DMRTB1: variants seen among roughly 807,000 people sequenced by gnomAD.
DMRTB1 encodes the protein DMRT like family B with proline rich C-terminal 1, also known as doublesex- and mab-3-related transcription factor B1.
In DMRTB1, 9 loss-of-function variants were observed where a neutral mutation model predicts 25.2. The observed-to-expected ratio is 0.36, with a 90% confidence interval of 0.22 to 0.62. The LOEUF is 0.62. Ranked by LOEUF, DMRTB1 falls within the 20% of genes least tolerant of loss-of-function variation. The probability of loss-of-function intolerance (pLI) is 0.71; values close to 1 mark genes in which losing one functional copy is unlikely to be tolerated. For synonymous variants in DMRTB1, 269 were observed against 238.1 expected, an observed-to-expected ratio of 1.13 and a Z score of -1.20; for missense variants, 551 against 499.3, an observed-to-expected ratio of 1.10 and a Z score of -0.99.
chr1:53,461,768 A>G, intron 2 of DMRTB1, 123 bp downstream of exon 2: 2 of 1,221,210 alleles, frequency 1.6e-6, no homozygotes, highest in African/African-American at 1.5e-5. Context: ...CCAGCCCCCG[A>G]GTGCTGGTGG....
In DMRTB1 at chr1:53,459,570, G is replaced by A. The variant is rs1212863413; in HGVS notation, c.117G>A (p.Lys39=). Reference sequence around the variant, plus strand: ...GCTGGAAGCAGTGCCTCTGCGAGAAGTGCTACCTGATCTCCGAGCGCCAGA... The same window carrying A: ...GCTGGAAGCAGTGCCTCTGCGAGAAATGCTACCTGATCTCCGAGCGCCAGA... ...KCRWKQCLCE[K]CYLISERQKI... The change falls in exon 1 of 4, where the codon AAG becomes AAA. Residue 39 remains lysine, a synonymous_variant. Coordinates refer to ENST00000371445, the MANE Select transcript of DMRTB1 (RefSeq NM_033067.3). 1.9e-6 allele frequency: 3 copies of A among 1,609,306 alleles called. No individual in the cohort carries two copies. Among genetic ancestry groups the A allele is most frequent in the East Asian group, 2.2e-5 (1 of 44,756 alleles).
chr1:53,459,647 A>C lies in DMRTB1; in HGVS notation c.194A>C (p.Gln65Pro). 1 of 1,553,722 alleles carries C rather than the reference A, an allele frequency of 6.4e-7. No homozygotes were observed. ...VLKTQAAEEE[Q>P]EAALCAQGPK... ...AAGACGCAGGCCGCCGAGGAGGAGC[A>C]GGAGGCGGCCCTGTGTGCGCAGGGG... Residue 65 changes from glutamine to proline, a missense_variant, in exon 1 of 4, where the codon CAG becomes CCG. Physicochemically the swap from Gln to Pro is moderately conservative, Grantham distance 76 (BLOSUM62 -1). Coordinates refer to ENST00000371445, the MANE Select transcript of DMRTB1 (RefSeq NM_033067.3).
chr1:53,461,402 C>T (rs573944779), intron 1 of DMRTB1, 71 bp from the exon 2 acceptor site: 11 of 1,459,756 alleles, frequency 7.5e-6, no homozygotes, highest in East Asian at 5.1e-5. Flanking sequence ...ATGACCCCGC[C>T]GCCCTGGGCC....
In DMRTB1 at chr1:53,464,816, C is replaced by T. The variant is rs542149843; in HGVS notation, c.930C>T (p.Thr310=). The T allele has an allele frequency of 5.1e-5, 82 of 1,613,994 alleles. 1 individual carries two copies. The South Asian group carries it at 6.6e-4, about 13-fold the overall frequency. The change falls in exon 3 of 4, where the codon ACC becomes ACT. Residue 310 remains threonine (T), a synonymous_variant. Transcript: ENST00000371445. ...PPPPPSSFSL[T]VLFDTDKENT... ...CACCTCCATCATCTTTCTCACTGACCGTCCTGTTTGATACTGACAAGGAGA... is the reference window on the plus strand; with the variant it reads ...CACCTCCATCATCTTTCTCACTGACTGTCCTGTTTGATACTGACAAGGAGA...
intron 2 of DMRTB1, among the ~76,000 whole-genome samples, chr1:53,464,014 G>A (rs1019310033): frequency 1.3e-5 from 2 of 152,200 alleles, no homozygotes; most frequent in African/African-American, 4.8e-5. Flanking sequence ...GAGGCCACTT[G>A]CCTGAAGTCA....
At chr1:53,463,791 G>A (rs532158448) in intron 2 of DMRTB1, among the ~76,000 whole-genome samples, 1 of 152,340 alleles carries the variant, frequency 6.6e-6, no homozygotes, top group African/African-American at 2.4e-5. Context: ...AGCTCAGGAT[G>A]TGTTGCTCTG....
chr1:53,461,471 AGTGCGC>A lies in DMRTB1; in HGVS notation c.578-1_582del. 6.3e-7 allele frequency: 1 copy of A among 1,578,170 alleles called. No individual in the cohort carries two copies. The highest frequency in any genetic ancestry group is 8.6e-7 in the Non-Finnish European group (1 of 1,160,862). On this transcript the variant is annotated splice_acceptor_variant and coding_sequence_variant, in exon 2 of 4. Coordinates refer to ENST00000371445, the MANE Select transcript of DMRTB1 (RefSeq NM_033067.3). LOFTEE classifies it high-confidence loss of function. ...ACTTCCCTCCTTGCTTGCGTTCTTT[AGTGCGC>A]CCTCTGAACATCAACCCGGACCGTG... is the stretch of plus-strand genomic sequence containing the variant.
At position 53,459,925 on chromosome 1, in the gene DMRTB1, G is replaced by A. The variant is rs949268865; in HGVS notation, c.472G>A (p.Ala158Thr). The change falls in exon 1 of 4, where the codon GCG becomes ACG. Residue 158 changes from alanine to threonine, a missense_variant. By Grantham distance (58) the Ala-to-Thr change is moderately conservative. Transcript: ENST00000371445. ...AGCCGCCGTGGCGATGCCCAGCCTT[G>A]CGGGACCCCCTTTTGGGGCGGAGGC... ...ERAAVAMPSL[A>T]GPPFGAEAAG... is the part of the protein sequence containing the mutation. The A allele has an allele frequency of 1.3e-6, 2 of 1,559,656 alleles. No individual in the cohort carries two copies. Among genetic ancestry groups the A allele is most frequent in the East Asian group, 2.4e-5 (1 of 41,410 alleles).
chr1:53,462,758 ACT>A (rs1644029120), intron 2 of DMRTB1, among the ~76,000 whole-genome samples: 1 of 152,098 alleles, frequency 6.6e-6, no homozygotes, highest in Non-Finnish European at 1.5e-5. Context: ...AGTCGCCCTG[ACT>A]CTGGAGCCCA....
intron 1 of DMRTB1, chr1:53,460,304 C>T (rs1644012169): frequency 5.2e-6 from 2 of 383,546 alleles, no homozygotes; most frequent in South Asian, 8.3e-5. Context: ...AAATGGCGTC[C>T]AGTCGACTTA....
At chr1:53,462,126 C>G (rs1044230440) in intron 2 of DMRTB1, among the ~76,000 whole-genome samples, 1 of 152,102 alleles carries the variant, frequency 6.6e-6, no homozygotes, top group East Asian at 1.9e-4. Flanking sequence ...GAAACCTTCC[C>G]CCAAACACTT....
At chr1:53,460,545 G>GT (rs1419583713) in intron 1 of DMRTB1, 2 of 153,184 alleles carry the variant, frequency 1.3e-5, no homozygotes, top group African/African-American at 2.4e-5. Context: ...TCTTCCCTCC[G>GT]TTTCCCCACG....
intron 1 of DMRTB1, among the ~76,000 whole-genome samples, chr1:53,461,172 G>A (rs941061356): frequency 6.6e-6 from 1 of 152,192 alleles, no homozygotes; most frequent in African/African-American, 2.4e-5. Context: ...ACCCGGAGGA[G>A]GAGGAGGAGC....
At position 53,461,657 on chromosome 1, in the gene DMRTB1, C is replaced by T. The variant is rs369310771; in HGVS notation, c.750+12C>T. ...AAGGCGGAGGCTTGGTGAGTCCCAC[C>T]CCTCACTTCTTGCCAGCTTCCTCCA... On this transcript the variant is annotated intron_variant, in intron 2 of 3. Coordinates refer to ENST00000371445, the MANE Select transcript of DMRTB1 (RefSeq NM_033067.3). 95 of 1,548,906 alleles carry T rather than the reference C, an allele frequency of 6.1e-5. No individual in the cohort carries two copies. In the African/African-American group the frequency reaches 1.1e-3, roughly 18 times the overall value.
In DMRTB1 at chr1:53,459,813, C is replaced by A; in HGVS notation, c.360C>A (p.Phe120Leu). 6.9e-7 allele frequency: 1 copy of A among 1,439,720 alleles called. No individual in the cohort carries two copies. Among genetic ancestry groups the A allele is most frequent in the Admixed American group, 2.8e-5 (1 of 35,834 alleles). The allele number at this position is 1,439,720 out of a possible 1,614,324, so 89.2% of individuals were successfully genotyped here. ...GPEGRAAACF[F>L]EQPPRGRNPG... ...AGGGCCGCGCGGCCGCTTGCTTCTT[C>A]GAGCAGCCCCCGCGGGGCCGGAACC... Residue 120 changes from phenylalanine to leucine, a missense_variant, in exon 1 of 4, where the codon TTC becomes TTA. Transcript: ENST00000371445.
Position 53,459,901 on chromosome 1 carries a change from G to A in DMRTB1, c.448G>A (p.Ala150Thr). The change falls in exon 1 of 4, where the codon GCC (alanine) becomes ACC (threonine). Residue 150 changes from alanine to threonine, a missense_variant. Ala to Thr is a moderately conservative substitution (Grantham distance 58). Transcript: ENST00000371445. ...CAGCCACGTGGAGCCGAGCGAGCGA[G>A]CCGCCGTGGCGATGCCCAGCCTTGC... is the stretch of plus-strand genomic sequence containing the variant. ...GRSHVEPSER[A>T]AVAMPSLAGP... The A allele has an allele frequency of 6.5e-7, 1 of 1,536,512 alleles. No homozygotes were observed. The highest frequency in any genetic ancestry group is 8.7e-7 in the Non-Finnish European group (1 of 1,151,246).
intron 2 of DMRTB1, among the ~76,000 whole-genome samples, chr1:53,464,130 C>T (rs1644037583): frequency 6.6e-6 from 1 of 152,326 alleles, no homozygotes; most frequent in Non-Finnish European, 1.5e-5. Flanking sequence ...ATGTGCCAGA[C>T]AGGGGGTCCT....
In DMRTB1 at chr1:53,466,805, A is replaced by G; in HGVS notation, c.*143A>G. On this transcript the variant is annotated 3_prime_UTR_variant, in exon 4 of 4. Coordinates refer to ENST00000371445, the MANE Select transcript of DMRTB1 (RefSeq NM_033067.3). ...CTGATTCCCAGTTTAAGATAGGAGG[A>G]AGGAGAGCAATTTCTAAGTTTCAAT... 1.2e-6 allele frequency: 1 copy of G among 808,874 alleles called. No individual in the cohort carries two copies. Among genetic ancestry groups the G allele is most frequent in the East Asian group, 2.5e-5 (1 of 40,782 alleles). 50.1% of individuals were successfully genotyped at this position (808,874 alleles called of 1,614,324 possible).
chr1:53,460,025 A>C lies in DMRTB1; in HGVS notation c.572A>C (p.Asp191Ala). 6.3e-7 allele frequency: 1 copy of C among 1,576,762 alleles called. No individual in the cohort carries two copies. Among genetic ancestry groups the C allele is most frequent in the Non-Finnish European group, 8.5e-7 (1 of 1,170,384 alleles). Residue 191 changes from aspartate (D) to alanine (A), a missense_variant, in exon 1 of 4, where the codon GAC (aspartate) becomes GCC (alanine). Coordinates refer to ENST00000371445, the MANE Select transcript of DMRTB1 (RefSeq NM_033067.3). Reference sequence around the variant, plus strand: ...ACCGTGCCCGGCCCACTGTTCACCGACTTTGGTAAGTCGTGGCCTTGGTCC... The same window carrying C: ...ACCGTGCCCGGCCCACTGTTCACCGCCTTTGGTAAGTCGTGGCCTTGGTCC... ...MRTVPGPLFT[D>A]FVRPLNINPD...
Sources: allele counts gnomAD v4.1 joint callset (sites outside exome capture counted in the v4.1 genomes callset), GRCh38; gene constraint gnomAD v4.1.1; transcripts MANE v1.5; gene names NCBI Gene and HGNC (gene_info 2026-07-23, HGNC 2026-07-21).